Variants in ZNF536 observed in about 807,000 individuals in gnomAD.
ZNF536 encodes zinc finger protein 536.
A neutral mutation model predicts 84.5 loss-of-function variants in ZNF536; 13 were observed. The ratio of observed to expected loss-of-function variants is 0.15; its 90% CI spans 0.10 to 0.24. The LOEUF (loss-of-function observed/expected upper bound fraction) is 0.24, where lower values mean the gene tolerates loss of function less well. Among genes scored for constraint, ZNF536 ranks in the 10% least tolerant of loss-of-function variants. ZNF536 has a pLI of 1.00. For missense variants in ZNF536, 1,536 were observed against 1,747.5 expected, an observed-to-expected ratio of 0.88 and a Z score of 2.16; for synonymous variants, 811 against 742.5, an observed-to-expected ratio of 1.09 and a Z score of -1.50.
chr19:30,251,689 G>A (rs1193101903), intron 1 of ZNF536, among the ~76,000 whole-genome samples: 1 of 152,156 alleles, frequency 6.6e-6, no homozygotes, highest in East Asian at 1.9e-4. Flanking sequence ...CTCCTGAGCA[G>A]TACACACTGC....
At position 30,637,838 on chromosome 19, in the gene ZNF536, CTG is replaced by C. The variant is rs562162793; in HGVS notation, c.170-72915_170-72914del. ...TCTCACCTTGCTTTTCTGAGAAAGA[CTG>C]TGTCTTTTTTTTATAGCAAGGGTTA... On this transcript the variant is annotated intron_variant, in intron 1 of 1. Coordinates refer to the ZNF536 transcript ENST00000592773. 1.8e-4 allele frequency among the ~76,000 whole-genome samples: 28 copies of C among 152,266 alleles called. No individual in the cohort carries two copies. In the East Asian group the frequency reaches 4.4e-3, roughly 24 times the overall value.
At chr19:30,486,947 G>C (rs1256078875) in intron 2 of ZNF536, among the ~76,000 whole-genome samples, 1 of 152,194 alleles carries the variant, frequency 6.6e-6, no homozygotes, top group African/African-American at 2.4e-5. Context: ...ATCTGCTCTA[G>C]TATTTAAAAA....
chr19:30,685,524 G>A (rs1027999278), intron 1 of ZNF536, among the ~76,000 whole-genome samples: 1 of 152,130 alleles, frequency 6.6e-6, no homozygotes, highest in Non-Finnish European at 1.5e-5. Context: ...GGGAGGTAGA[G>A]ACGGAAGGGA....
At chr19:30,370,596 T>C (rs1490062526), upstream of ZNF536, among the ~76,000 whole-genome samples, 2 of 152,234 alleles carry the variant, frequency 1.3e-5, no homozygotes, top group Non-Finnish European at 2.9e-5. Context: ...GCAGACAGTG[T>C]TCTCTTGAAT....
intron 1 of ZNF536, among the ~76,000 whole-genome samples, chr19:30,631,036 C>G (rs766795554): frequency 4.1e-4 from 62 of 152,284 alleles, no homozygotes; most frequent in African/African-American, 1.4e-3. Flanking sequence ...GGAAGGCTCC[C>G]CTGGCATCAG....
Position 30,563,342 on chromosome 19 carries a change from C to T in ZNF536, c.169+13828C>T, listed in dbSNP as rs140495637. Among the ~76,000 whole-genome samples the T allele has an allele frequency of 2.4e-3, 373 of 152,250 alleles. 3 individuals are homozygous for T. Among genetic ancestry groups the T allele is most frequent in the African/African-American group, 8.1e-3 (335 of 41,520 alleles). On this transcript the variant is annotated intron_variant, in intron 1 of 1. Coordinates refer to the ZNF536 transcript ENST00000592773. ...TGATAATTCAACAAGCCCATTCTTGCGATGGACAGACACACCCCCATTGGC... is the reference window on the plus strand; with the variant it reads ...TGATAATTCAACAAGCCCATTCTTGTGATGGACAGACACACCCCCATTGGC...
intron 1 of ZNF536, among the ~76,000 whole-genome samples, chr19:30,424,684 C>A (rs2051134968): frequency 6.6e-6 from 1 of 152,174 alleles, no homozygotes; most frequent in Non-Finnish European, 1.5e-5. Flanking sequence ...ATCCACACGG[C>A]CTTCTTTCCG....
intron 2 of ZNF536, among the ~76,000 whole-genome samples, chr19:30,462,887 A>C (rs1332338307): frequency 7.4e-6 from 1 of 135,142 alleles, no homozygotes; most frequent in Non-Finnish European, 1.6e-5. Context: ...ATCCATATGT[A>C]TTTGTCTGTG....
At chr19:30,454,480 A>C (rs2052747174) in intron 2 of ZNF536, among the ~76,000 whole-genome samples, 1 of 152,238 alleles carries the variant, frequency 6.6e-6, no homozygotes, top group Non-Finnish European at 1.5e-5. Flanking sequence ...TTTCTTGAAG[A>C]TCAAGACAGA....
At chr19:30,517,534 G>A (rs1386620644) in intron 2 of ZNF536, among the ~76,000 whole-genome samples, 3 of 152,184 alleles carry the variant, frequency 2.0e-5, no homozygotes, top group Non-Finnish European at 2.9e-5. Flanking sequence ...AGCTGGAAAT[G>A]CTGACCATGT....
chr19:30,374,552 C>T (rs2048732839), intron 1 of ZNF536, among the ~76,000 whole-genome samples: 1 of 152,064 alleles, frequency 6.6e-6, no homozygotes, highest in Non-Finnish European at 1.5e-5. Flanking sequence ...GGAATAGAAA[C>T]CGCCCTGAAG....
At chr19:30,263,732 C>T (rs2025346806) in intron 1 of ZNF536, among the ~76,000 whole-genome samples, 1 of 151,852 alleles carries the variant, frequency 6.6e-6, no homozygotes, top group African/African-American at 2.4e-5. Context: ...GTGTGTATTT[C>T]ATACATTTAT....
chr19:30,296,571 G>T (rs550108444), intron 2 of ZNF536, among the ~76,000 whole-genome samples: 4 of 152,304 alleles, frequency 2.6e-5, no homozygotes, highest in African/African-American at 7.2e-5. Flanking sequence ...TCTCTCCAGG[G>T]CTCAGGTCCT....
intron 1 of ZNF536, among the ~76,000 whole-genome samples, chr19:30,675,161 C>T (rs1419152555): frequency 6.6e-6 from 1 of 152,178 alleles, no homozygotes; most frequent in Non-Finnish European, 1.5e-5. Context: ...TGCCGCACCT[C>T]TAAGGAACTG....
intron 1 of ZNF536, among the ~76,000 whole-genome samples, chr19:30,625,256 C>T (rs1384158973): frequency 6.6e-6 from 1 of 152,142 alleles, no homozygotes; most frequent in Non-Finnish European, 1.5e-5. Flanking sequence ...TCTGACCTCA[C>T]CCCCCAATCA....
At chr19:30,245,841 T>C (rs1031141255) in intron 1 of ZNF536, among the ~76,000 whole-genome samples, 4 of 152,242 alleles carry the variant, frequency 2.6e-5, no homozygotes, top group Non-Finnish European at 5.9e-5. Flanking sequence ...TACCACTTGG[T>C]CTGAGGTTGG....
At chr19:30,314,058 T>C (rs2046596711) in intron 2 of ZNF536, among the ~76,000 whole-genome samples, 2 of 152,326 alleles carry the variant, frequency 1.3e-5, no homozygotes, top group Non-Finnish European at 2.9e-5. Flanking sequence ...AGCTTTGAGG[T>C]GGCCCTGCAT....
At chr19:30,693,019 GGGGGGA>G (rs1215275400) in intron 1 of ZNF536, among the ~76,000 whole-genome samples, 4 of 149,614 alleles carry the variant, frequency 2.7e-5, no homozygotes, top group South Asian at 2.2e-4. Context: ...CCAAAACCTG[GGGGGGA>G]GAGAGAGAGA....
At chr19:30,368,774 G>A (rs1041806742), upstream of ZNF536, among the ~76,000 whole-genome samples, 10 of 152,210 alleles carry the variant, frequency 6.6e-5, no homozygotes, top group South Asian at 2.1e-4. Flanking sequence ...ATTCGACAGC[G>A]GAGAATCTCA....
Sources: allele counts gnomAD v4.1 joint callset (sites outside exome capture counted in the v4.1 genomes callset), GRCh38; gene constraint gnomAD v4.1.1; transcripts MANE v1.5; gene names NCBI Gene and HGNC (gene_info 2026-07-23, HGNC 2026-07-21).